The following PRKAG2 variants were observed in gnomAD, a reference collection of about 807,000 sequenced individuals.
PRKAG2 encodes the protein protein kinase AMP-activated non-catalytic subunit gamma 2.
In PRKAG2, 26 loss-of-function variants were observed where a neutral mutation model predicts 69.6. That is an observed-to-expected ratio of 0.37 (90% CI 0.27 to 0.52). The LOEUF (loss-of-function observed/expected upper bound fraction) is 0.52. Ranked by LOEUF, PRKAG2 falls within the 20% of genes least tolerant of loss-of-function variation. The pLI, the probability that PRKAG2 is intolerant of heterozygous loss-of-function variation, is 0.90. For missense variants in PRKAG2, 557 were observed against 740.0 expected, an observed-to-expected ratio of 0.75 and a Z score of 2.87; for synonymous variants, 293 against 285.0, an observed-to-expected ratio of 1.03 and a Z score of -0.28.
chr7:151,821,053 G>GTAGAAGAGAGAGCCTCCAACCC (rs1216334379), intron 1 of PRKAG2, among the ~76,000 whole-genome samples: 15 of 152,030 alleles, frequency 9.9e-5, no homozygotes, highest in African/African-American at 1.7e-4. Context: ...CAGAAGGAAA[G>GTAGAAGAGAGAGCCTCCAACCC]CTGTGGAGAC....
At chr7:151,782,784 C>T (rs1338881190) in intron 2 of PRKAG2, among the ~76,000 whole-genome samples, 1 of 152,178 alleles carries the variant, frequency 6.6e-6, no homozygotes, top group Non-Finnish European at 1.5e-5. Context: ...GATGAAGCCG[C>T]GTGAGGCCAG....
At chr7:151,621,332 G>A (rs1383703500) in intron 5 of PRKAG2, among the ~76,000 whole-genome samples, 10 of 152,072 alleles carry the variant, frequency 6.6e-5, no homozygotes, top group Non-Finnish European at 8.8e-5. Flanking sequence ...TGAATAGAAT[G>A]GTATGCTCTT....
intron 5 of PRKAG2, among the ~76,000 whole-genome samples, chr7:151,621,887 T>C (rs1252321472): frequency 3.3e-5 from 5 of 152,182 alleles, no homozygotes; most frequent in Non-Finnish European, 7.3e-5. Context: ...TGTGCTTTGA[T>C]CAACGTTACT....
Position 151,805,841 on chromosome 7 carries a change from A to T in PRKAG2, c.115-19300T>A, listed in dbSNP as rs191281228. On this transcript the variant is annotated intron_variant, in intron 1 of 15. Coordinates refer to ENST00000287878, the MANE Select transcript of PRKAG2 (RefSeq NM_016203.4). The stretch of plus-strand genomic sequence containing the variant: ...TTCAGGTTTGCCAAGATCCTTCCCC[A>T]ACGTACAAGTGAAAGGGAGCTCAGG... Among the ~76,000 whole-genome samples, 263 of 152,342 alleles carry T rather than the reference A, an allele frequency of 1.7e-3. 1 individual carries two copies. Among genetic ancestry groups the T allele is most frequent in the Middle Eastern group, 3.4e-3 (1 of 294 alleles).
chr7:151,768,480 T>C (rs77273229), intron 3 of PRKAG2, among the ~76,000 whole-genome samples: 1 of 146,646 alleles, frequency 6.8e-6, no homozygotes, highest in Non-Finnish European at 1.5e-5. Flanking sequence ...TCTTTTTTTT[T>C]CTGGAGATAG....
chr7:151,609,223 G>A (rs905010496), intron 5 of PRKAG2, among the ~76,000 whole-genome samples: 28 of 152,090 alleles, frequency 1.8e-4, no homozygotes, highest in African/African-American at 5.3e-4. Context: ...AACTGGACAA[G>A]TATGTTTCAG....
At chr7:151,722,905 C>T (rs948683853) in intron 3 of PRKAG2, among the ~76,000 whole-genome samples, 2 of 152,128 alleles carry the variant, frequency 1.3e-5, no homozygotes, top group Non-Finnish European at 2.9e-5. Flanking sequence ...CATTTCTGAG[C>T]ACCCCAGCCC....
intron 4 of PRKAG2, among the ~76,000 whole-genome samples, chr7:151,633,521 A>G (rs574482896): frequency 6.6e-6 from 1 of 152,018 alleles, no homozygotes. Flanking sequence ...CTACAAAAGA[A>G]AGAAAAAACT....
At chr7:151,743,583 G>C (rs149529678) in intron 3 of PRKAG2, among the ~76,000 whole-genome samples, 1 of 152,308 alleles carries the variant, frequency 6.6e-6, no homozygotes, top group East Asian at 1.9e-4. Flanking sequence ...ATGCTTCATT[G>C]TTTTCTGGCT....
chr7:151,644,727 G>A (rs908188498), intron 4 of PRKAG2, among the ~76,000 whole-genome samples: 1 of 152,182 alleles, frequency 6.6e-6, no homozygotes, highest in Admixed American at 6.5e-5. Context: ...GAGTCATTTG[G>A]TAGGTGTGTG....
intron 15 of PRKAG2, chr7:151,558,272 T>C (rs1804203714): frequency 3.0e-6 from 3 of 985,342 alleles, no homozygotes; most frequent in Non-Finnish European, 3.6e-6. Context: ...GAATCACCAC[T>C]AGTACCTTCT....
At chr7:151,644,603 T>C (rs181988676) in intron 4 of PRKAG2, among the ~76,000 whole-genome samples, 1 of 152,312 alleles carries the variant, frequency 6.6e-6, no homozygotes, top group African/African-American at 2.4e-5. Flanking sequence ...GATGGACATG[T>C]GGGATATTTT....
rs564007937 is a variant in PRKAG2, at chr7:151,775,977, C to T, written c.466+5175G>A. 9.7e-4 allele frequency among the ~76,000 whole-genome samples: 148 copies of T among 152,310 alleles called. 1 individual carries two copies. The highest frequency in any genetic ancestry group is 1.6e-3 in the Non-Finnish European group (109 of 68,020). On this transcript the variant is annotated intron_variant, in intron 3 of 15. Coordinates refer to ENST00000287878, the MANE Select transcript of PRKAG2 (RefSeq NM_016203.4). The stretch of plus-strand genomic sequence containing the variant: ...GAAAAGCAGACAGATTTTGCCTCCT[C>T]CAGGCCAGCCTCATGCCAGGCACAA...
At chr7:151,786,857 C>T (rs535162442) in intron 1 of PRKAG2, among the ~76,000 whole-genome samples, 12 of 152,126 alleles carry the variant, frequency 7.9e-5, no homozygotes, top group Non-Finnish European at 1.3e-4. Flanking sequence ...GAGGAGAGCC[C>T]GTCTCAGGCT....
chr7:151,759,341 C>G (rs2075285560), intron 3 of PRKAG2, among the ~76,000 whole-genome samples: 1 of 152,210 alleles, frequency 6.6e-6, no homozygotes. Flanking sequence ...CCCCGCAGCC[C>G]CTCTCCTTTG....
chr7:151,658,483 A>G (rs1358053844), intron 4 of PRKAG2, among the ~76,000 whole-genome samples: 9 of 29,308 alleles, frequency 3.1e-4, no homozygotes, highest in African/African-American at 2.0e-3. Context: ...AGATTGTCGC[A>G]AAAAAAAAAA....
chr7:151,672,598 C>G (rs1004610297), intron 4 of PRKAG2, among the ~76,000 whole-genome samples: 2 of 151,834 alleles, frequency 1.3e-5, no homozygotes, highest in African/African-American at 4.8e-5. Context: ...TTGGATGACT[C>G]TAGGGACTCC....
In PRKAG2 at chr7:151,638,490, C is replaced by T. The variant is rs746235156; in HGVS notation, c.685-6352G>A. Among the ~76,000 whole-genome samples, 4 of 152,012 alleles carry T rather than the reference C, an allele frequency of 2.6e-5. No individual in the cohort carries two copies. Among genetic ancestry groups the T allele is most frequent in the Non-Finnish European group, 5.9e-5 (4 of 68,008 alleles). ...CTCTACTAAAAATACAAAAATTAGC[C>T]GGGCATGGTTGCGCACACCTGTAGT... On this transcript the variant is annotated intron_variant, in intron 4 of 15. Transcript: ENST00000287878. The surrounding 1 kb of genome is among the most constrained non-coding windows in gnomAD (Gnocchi z 4.3).
At chr7:151,757,466 G>A (rs1280698204) in intron 3 of PRKAG2, among the ~76,000 whole-genome samples, 1 of 152,228 alleles carries the variant, frequency 6.6e-6, no homozygotes, top group African/African-American at 2.4e-5. Flanking sequence ...CCGCTCCAGG[G>A]TGGGGGTCAA....
Sources: gnomAD v4.1 joint callset for allele counts (sites outside exome capture counted in the v4.1 genomes callset) on GRCh38, gnomAD v4.1.1 for gene constraint, Gnocchi (gnomAD v3.1) non-coding constraint, MANE v1.5 for transcripts, NCBI Gene and HGNC (gene_info 2026-07-23, HGNC 2026-07-21) for gene names.